Variants in OPCML observed in about 807,000 individuals in gnomAD.
OPCML encodes opioid-binding protein/cell adhesion molecule.
Under a neutral mutation model 37.8 loss-of-function variants are expected in OPCML, and 13 were observed. The ratio of observed to expected loss-of-function variants is 0.34; its 90% CI spans 0.22 to 0.55. OPCML has a LOEUF of 0.55. Ranked by LOEUF, OPCML falls within the 20% of genes least tolerant of loss-of-function variation. The pLI, the probability that OPCML is intolerant of heterozygous loss-of-function variation, is 0.91. For synonymous variants in OPCML, 176 were observed against 168.8 expected, an observed-to-expected ratio of 1.04 and a Z score of -0.33; for missense variants, 341 against 435.6, an observed-to-expected ratio of 0.78 and a Z score of 1.93.
At chr11:133,527,970 C>T (rs1948522228) in intron 1 of OPCML, among the ~76,000 whole-genome samples, 1 of 152,320 alleles carries the variant, frequency 6.6e-6, no homozygotes, top group Non-Finnish European at 1.5e-5. Flanking sequence ...GCATGGGAGA[C>T]CCAGGCCCAG....
chr11:133,160,506 T>G (rs1459545297), intron 1 of OPCML, among the ~76,000 whole-genome samples: 1 of 152,238 alleles, frequency 6.6e-6, no homozygotes, highest in Non-Finnish European at 1.5e-5. Flanking sequence ...TCCTTGGAGC[T>G]AAGCATGACT....
chr11:132,960,859 A>C (rs1375295737), intron 1 of OPCML, among the ~76,000 whole-genome samples: 3 of 152,182 alleles, frequency 2.0e-5, no homozygotes, highest in Non-Finnish European at 4.4e-5. Flanking sequence ...GGGGCCCCGA[A>C]GAGAATACTG....
At chr11:132,615,436 A>G (rs1938944600) in intron 3 of OPCML, among the ~76,000 whole-genome samples, 1 of 152,218 alleles carries the variant, frequency 6.6e-6, no homozygotes, top group African/African-American at 2.4e-5. Context: ...GGTTGAATGA[A>G]GTAGAGTTGG....
intron 4 of OPCML, among the ~76,000 whole-genome samples, chr11:132,457,110 G>A (rs1277573474): frequency 6.6e-6 from 1 of 152,194 alleles, no homozygotes; most frequent in African/African-American, 2.4e-5. Context: ...CCCAGAGAAT[G>A]AGGATGAATT....
chr11:132,754,578 A>C (rs908865751), intron 2 of OPCML, among the ~76,000 whole-genome samples: 2 of 152,104 alleles, frequency 1.3e-5, no homozygotes, highest in Admixed American at 6.6e-5. Context: ...AGACTAATAC[A>C]TTCCATCACA....
intron 7 of OPCML, 175 bp from the exon 8 acceptor site, chr11:132,420,468 C>T: frequency 1.2e-6 from 1 of 859,382 alleles, no homozygotes; most frequent in Non-Finnish European, 1.4e-6. Context: ...AAGGGGCAAG[C>T]TGTTGGGATG....
chr11:133,514,638 T>G (rs1263490483), intron 1 of OPCML, among the ~76,000 whole-genome samples: 1 of 152,182 alleles, frequency 6.6e-6, no homozygotes, highest in Non-Finnish European at 1.5e-5. Flanking sequence ...CTCCTTTCTT[T>G]TCAAATTGGC....
chr11:132,720,209 A>G (rs1028035221), intron 2 of OPCML, among the ~76,000 whole-genome samples: 4 of 152,222 alleles, frequency 2.6e-5, no homozygotes, highest in Admixed American at 2.6e-4. Context: ...TTGGCCTGAT[A>G]GGATGGAAGA....
chr11:133,088,096 A>C (rs1948843963), intron 1 of OPCML, among the ~76,000 whole-genome samples: 1 of 152,220 alleles, frequency 6.6e-6, no homozygotes, highest in African/African-American at 2.4e-5. Context: ...AAAGTCTTAT[A>C]TTAATGTTGA....
rs1320049062 is a variant in OPCML, at chr11:132,529,198, C to T, written c.380-12G>A. On this transcript the variant is annotated splice_polypyrimidine_tract_variant and intron_variant, in intron 3 of 7. Coordinates refer to ENST00000524381, the MANE Select transcript of OPCML (RefSeq NM_001012393.5). ...GATCTGAGGAGGAACTGTAAGGAAA[C>T]AGGATAGAAGAAATACCTGAGAATA... 2 of 1,604,536 alleles carry T rather than the reference C, an allele frequency of 1.2e-6. No homozygotes were observed. The highest frequency in any genetic ancestry group is 1.1e-5 in the South Asian group (1 of 88,602).
At chr11:133,273,690 G>T (rs1941913814) in intron 1 of OPCML, among the ~76,000 whole-genome samples, 2 of 152,280 alleles carry the variant, frequency 1.3e-5, no homozygotes, top group South Asian at 4.2e-4. Flanking sequence ...CCTTCCGCAG[G>T]AAGAAGGAGC....
At chr11:133,077,536 A>C (rs997949390) in intron 1 of OPCML, among the ~76,000 whole-genome samples, 1 of 152,226 alleles carries the variant, frequency 6.6e-6, no homozygotes, top group Admixed American at 6.5e-5. Flanking sequence ...GAACTCGGTA[A>C]GAATTTTTTT....
intron 7 of OPCML, among the ~76,000 whole-genome samples, chr11:132,426,189 A>G (rs959112546): frequency 2.0e-5 from 3 of 152,188 alleles, no homozygotes; most frequent in Non-Finnish European, 4.4e-5. Flanking sequence ...GACAAATAAG[A>G]TTTCCTTTAG....
chr11:132,625,910 A>G (rs1237191987), intron 3 of OPCML, among the ~76,000 whole-genome samples: 2 of 152,126 alleles, frequency 1.3e-5, no homozygotes, highest in African/African-American at 2.4e-5. Context: ...TGTTGGAACT[A>G]TAGGCTGTCT....
intron 2 of OPCML, among the ~76,000 whole-genome samples, chr11:132,693,704 A>G (rs1943491740): frequency 6.6e-6 from 1 of 152,220 alleles, no homozygotes; most frequent in East Asian, 1.9e-4. Flanking sequence ...AAGCAAAATC[A>G]AATAACCCAT....
intron 1 of OPCML, among the ~76,000 whole-genome samples, chr11:133,011,806 A>T (rs1209761711): frequency 6.6e-6 from 1 of 152,170 alleles, no homozygotes; most frequent in Non-Finnish European, 1.5e-5. Flanking sequence ...CTTATCTGCA[A>T]ATAGGGCTAA....
chr11:132,693,148 A>T (rs1408143952), intron 2 of OPCML, among the ~76,000 whole-genome samples: 1 of 152,192 alleles, frequency 6.6e-6, no homozygotes, highest in Non-Finnish European at 1.5e-5. Flanking sequence ...GGACTACTGG[A>T]TAAACTCTAT....
intron 1 of OPCML, among the ~76,000 whole-genome samples, chr11:133,331,695 C>T (rs1231950247): frequency 6.6e-6 from 1 of 152,076 alleles, no homozygotes; most frequent in Non-Finnish European, 1.5e-5. Context: ...CAAAATTCTA[C>T]TTTATTTCTA....
At chr11:133,460,934 AAGTC>A (rs1946844270) in intron 1 of OPCML, among the ~76,000 whole-genome samples, 1 of 151,930 alleles carries the variant, frequency 6.6e-6, no homozygotes, top group East Asian at 1.9e-4. Context: ...ATTGAGAAGA[AAGTC>A]AGTCAATCTA....
Sources: gnomAD v4.1 joint callset for allele counts (sites outside exome capture counted in the v4.1 genomes callset) on GRCh38, gnomAD v4.1.1 for gene constraint, MANE v1.5 for transcripts, NCBI Gene and HGNC (gene_info 2026-07-23, HGNC 2026-07-21) for gene names.